Variants in C19orf44 observed in about 807,000 individuals in gnomAD.
The protein encoded by C19orf44 is uncharacterized protein C19orf44.
In C19orf44, 43 loss-of-function variants were observed where a neutral mutation model predicts 50.7. The observed-to-expected ratio is 0.85, with a 90% CI of 0.66 to 1.09. The LOEUF (loss-of-function observed/expected upper bound fraction) is 1.09. Among genes scored for constraint, C19orf44 ranks in the 50% least tolerant of loss-of-function variants. The pLI, the probability that C19orf44 is intolerant of heterozygous loss-of-function variation, is 0.00. For synonymous variants in C19orf44, 298 were observed against 334.7 expected (o/e 0.89, Z 1.20); for missense variants, 722 against 836.2 (o/e 0.86, Z 1.68).
At chr19:16,518,684 C>G (rs916393622) in intron 8 of C19orf44, 1 of 164,082 alleles carries the variant, frequency 6.1e-6, no homozygotes, top group Non-Finnish European at 1.3e-5. Flanking sequence ...TCGGCTTTGT[C>G]CCTACACAGC....
At position 16,503,251 on chromosome 19, in the gene C19orf44, A is replaced by G. The variant is rs1222182659; in HGVS notation, c.946A>G (p.Ile316Val). The G allele has an allele frequency of 2.5e-6, 4 of 1,614,074 alleles. No homozygotes were observed. In the East Asian group the frequency reaches 6.7e-5, roughly 27 times the overall value. ...CGCCTCCCACACGCCGTCAGTTTCC[A>G]TCACAGGCGCCTTTTCAAACTCAGT... Reference protein sequence around the residue: ...DTASHTPSVSITGAFSNSVSL... With the variant: ...DTASHTPSVSVTGAFSNSVSL... Residue 316 changes from isoleucine to valine, a missense_variant, in exon 3 of 9, where the codon ATC becomes GTC. By Grantham distance (29) the Ile-to-Val change is conservative (BLOSUM62 3). Coordinates refer to ENST00000221671, the MANE Select transcript of C19orf44 (RefSeq NM_032207.4).
Position 16,509,613 on chromosome 19 carries a change from G to T in C19orf44, c.1264G>T (p.Ala422Ser), listed in dbSNP as rs752418542. ...GAGGAGCTGGGCATCACAGGGAAAG[G>T]CCGCCTCTGCAGAGGGGGATGAGAG... Reference protein sequence around the residue: ...QARSWASQGKAASAEGDESEV... With the variant: ...QARSWASQGKSASAEGDESEV... Residue 422 changes from alanine (A) to serine (S), a missense_variant, in exon 5 of 9, where the codon GCC becomes TCC. Ala to Ser is a moderately conservative substitution (Grantham distance 99). Transcript: ENST00000221671. The T allele has an allele frequency of 6.8e-6, 11 of 1,614,214 alleles. No individual in the cohort carries two copies. Among genetic ancestry groups the T allele is most frequent in the Non-Finnish European group, 6.8e-6 (8 of 1,180,028 alleles).
In C19orf44 at chr19:16,519,446, G is replaced by A; in HGVS notation, c.*41-648G>A. Reference sequence around the variant, plus strand: ...ATGTCCAGACAGGCAGTGTAGACATGGGAAATGGGTAGAGAGAACCCGCAG... The same window carrying A: ...ATGTCCAGACAGGCAGTGTAGACATAGGAAATGGGTAGAGAGAACCCGCAG... On this transcript the variant is annotated intron_variant, in intron 8 of 8. Coordinates refer to ENST00000221671, the MANE Select transcript of C19orf44 (RefSeq NM_032207.4). The surrounding 1 kb of genome is among the most constrained non-coding windows in gnomAD (Gnocchi z 6.0). 2.2e-6 allele frequency: 3 copies of A among 1,394,678 alleles called. No individual in the cohort carries two copies. The South Asian group carries it at 3.8e-5, about 18-fold the overall frequency. 86.4% of individuals were successfully genotyped at this position (1,394,678 alleles called of 1,614,324 possible). A position where few individuals can be genotyped will look rare whatever the true frequency, so the allele number is the denominator to read the frequency against.
At chr19:16,512,956 C>A in intron 5 of C19orf44, 58 bp from the exon 6 acceptor site, 2 of 1,463,250 alleles carry the variant, frequency 1.4e-6, no homozygotes, top group Non-Finnish European at 1.9e-6. Flanking sequence ...TATCTGTGGA[C>A]CCGAAAGTCA....
At chr19:16,507,420 G>A (rs965368754) in intron 4 of C19orf44, among the ~76,000 whole-genome samples, 2 of 151,898 alleles carry the variant, frequency 1.3e-5, no homozygotes, top group Admixed American at 1.3e-4. Context: ...GTTATACACA[G>A]TGATGACATT....
chr19:16,512,796 C>A, intron 5 of C19orf44, among the ~76,000 whole-genome samples: 1 of 113,124 alleles, frequency 8.8e-6, no homozygotes, highest in South Asian at 2.6e-4. Flanking sequence ...GCCCAGGAGG[C>A]TGTAGTGAGC....
chr19:16,519,426 C>A lies in C19orf44; in HGVS notation c.*41-668C>A. On this transcript the variant is annotated intron_variant, in intron 8 of 8. Transcript: ENST00000221671. The surrounding 1 kb of genome is among the most constrained non-coding windows in gnomAD (Gnocchi z 6.0). ...GGGTGCACGTGGGGGGCTGAATGTCCAGACAGGCAGTGTAGACATGGGAAA... is the reference window on the plus strand; with the variant it reads ...GGGTGCACGTGGGGGGCTGAATGTCAAGACAGGCAGTGTAGACATGGGAAA... The A allele has an allele frequency of 6.8e-7, 1 of 1,471,734 alleles. No homozygotes were observed. Among genetic ancestry groups the A allele is most frequent in the South Asian group, 1.2e-5 (1 of 82,532 alleles). The allele number at this position is 1,471,734 out of a possible 1,614,324, so 91.2% of individuals were successfully genotyped here.
chr19:16,502,483 G>A (rs1042854569), intron 2 of C19orf44, among the ~76,000 whole-genome samples: 19 of 151,386 alleles, frequency 1.3e-4, no homozygotes, highest in African/African-American at 3.9e-4. Flanking sequence ...TGATCTGCCC[G>A]CCTCGGCCTC....
In C19orf44 at chr19:16,503,392, C is replaced by A; in HGVS notation, c.1075+12C>A. 6.2e-7 allele frequency: 1 copy of A among 1,600,420 alleles called. No homozygotes were observed. The highest frequency in any genetic ancestry group is 1.1e-5 in the South Asian group (1 of 89,168). Reference sequence around the variant, plus strand: ...TGACAGCCTCGACGGTAATCCCAGTCCCGGTGCAAAGCCAGTACCTTGGGC... The same window carrying A: ...TGACAGCCTCGACGGTAATCCCAGTACCGGTGCAAAGCCAGTACCTTGGGC... On this transcript the variant is annotated intron_variant, in intron 3 of 8. Coordinates refer to ENST00000221671, the MANE Select transcript of C19orf44 (RefSeq NM_032207.4).
intron 4 of C19orf44, 112 bp from the exon 5 acceptor site, chr19:16,509,387 T>TC: frequency 7.2e-7 from 1 of 1,384,580 alleles, no homozygotes; most frequent in Non-Finnish European, 9.8e-7. Context: ...ACCTGGTGTG[T>TC]CCCCTTGTCT....
chr19:16,518,901 T>C (rs1239822088), intron 8 of C19orf44: 2 of 529,788 alleles, frequency 3.8e-6, no homozygotes, highest in African/African-American at 3.9e-5. Flanking sequence ...TTTGCTTCGC[T>C]ATAAAGGAAA....
intron 7 of C19orf44, 106 bp from the exon 8 acceptor site, chr19:16,517,121 CAGG>C: frequency 1.0e-6 from 1 of 1,003,328 alleles, no homozygotes; most frequent in Non-Finnish European, 1.5e-6. Flanking sequence ...CTGTCACTGA[CAGG>C]AGCCTGCTGG....
chr19:16,515,868 C>T (rs1362973327), intron 7 of C19orf44, among the ~76,000 whole-genome samples: 1 of 152,098 alleles, frequency 6.6e-6, no homozygotes, highest in Non-Finnish European at 1.5e-5. Context: ...GCAATCTCAG[C>T]TCACTGCAAC....
intron 6 of C19orf44, among the ~76,000 whole-genome samples, chr19:16,513,415 G>A (rs1013005275): frequency 3.9e-5 from 6 of 152,098 alleles, no homozygotes; most frequent in Non-Finnish European, 8.8e-5. Flanking sequence ...AGACAGTCTC[G>A]CTCTGTTGCC....
In C19orf44 at chr19:16,496,421, C is replaced by T. The variant is rs1360246377; in HGVS notation, c.-46C>T. On this transcript the variant is annotated 5_prime_UTR_variant, in exon 1 of 9. Transcript: ENST00000221671. ...TGCCCAGGGCAACCGCTCCTTCAGGCGTGAATGTGGCGGCTGCCTCTGCGA... is the reference window on the plus strand; with the variant it reads ...TGCCCAGGGCAACCGCTCCTTCAGGTGTGAATGTGGCGGCTGCCTCTGCGA... 1 of 468,560 alleles carries T rather than the reference C, an allele frequency of 2.1e-6. No homozygotes were observed. The highest frequency in any genetic ancestry group is 2.0e-5 in the African/African-American group (1 of 50,906). 29.0% of individuals were successfully genotyped at this position (468,560 alleles called of 1,614,324 possible).
chr19:16,498,325 C>T (rs2093415683), intron 1 of C19orf44, among the ~76,000 whole-genome samples: 1 of 152,070 alleles, frequency 6.6e-6, no homozygotes, highest in Non-Finnish European at 1.5e-5. Flanking sequence ...GCCCTATCAT[C>T]CGGGCTGGAG....
intron 7 of C19orf44, 118 bp from the exon 8 acceptor site, chr19:16,517,112 T>G: frequency 1.1e-6 from 1 of 902,072 alleles, no homozygotes; most frequent in Non-Finnish European, 1.7e-6. Context: ...TTTACACTTC[T>G]GTCACTGACA....
Position 16,520,004 on chromosome 19 carries a change from G to A in C19orf44, c.*41-90G>A. The A allele has an allele frequency of 1.2e-6, 1 of 861,380 alleles. No individual in the cohort carries two copies. The highest frequency in any genetic ancestry group is 1.6e-5 in the South Asian group (1 of 62,872). 53.4% of individuals were successfully genotyped at this position (861,380 alleles called of 1,614,324 possible). ...TCAGGCTTCGCCAAGTGGCTACTGT[G>A]GTGAAGGGTGAGGGGTGCCACTGTC... On this transcript the variant is annotated intron_variant, in intron 8 of 8. Coordinates refer to ENST00000221671, the MANE Select transcript of C19orf44 (RefSeq NM_032207.4). The surrounding 1 kb of genome is among the most constrained non-coding windows in gnomAD (Gnocchi z 4.0).
intron 7 of C19orf44, among the ~76,000 whole-genome samples, chr19:16,515,130 G>A (rs2093468137): frequency 6.6e-6 from 1 of 152,188 alleles, no homozygotes; most frequent in South Asian, 2.1e-4. Flanking sequence ...GGGAGGCTGT[G>A]ATGGGTGGAT....
Sources: gnomAD v4.1 joint callset for allele counts (sites outside exome capture counted in the v4.1 genomes callset) on GRCh38, gnomAD v4.1.1 for gene constraint, Gnocchi (gnomAD v3.1) non-coding constraint, MANE v1.5 for transcripts, NCBI Gene and HGNC (gene_info 2026-07-23, HGNC 2026-07-21) for gene names.